SORCS3: variants seen among roughly 807,000 people sequenced by gnomAD.
SORCS3 encodes the protein sortilin related VPS10 domain containing receptor 3, also known as VPS10 domain-containing receptor SorCS3.
SORCS3 carries 57 observed loss-of-function variants against 146.3 expected under a neutral mutation model. That is an observed-to-expected ratio of 0.39 (90% CI 0.31 to 0.49). SORCS3 has a LOEUF of 0.49. SORCS3 is among the 20% of genes least tolerant of loss of function. SORCS3 has a pLI of 0.92. For synonymous variants in SORCS3, 653 were observed against 618.5 expected (o/e 1.06, Z -0.83); for missense variants, 1,341 against 1,575.5 (o/e 0.85, Z 2.52).
At chr10:105,064,313 G>A (rs548877322) in intron 5 of SORCS3, among the ~76,000 whole-genome samples, 9 of 152,256 alleles carry the variant, frequency 5.9e-5, no homozygotes, top group South Asian at 2.1e-4. Flanking sequence ...TTCCTTAATC[G>A]TCTGTGAATT....
At chr10:104,952,207 C>A in intron 3 of SORCS3, among the ~76,000 whole-genome samples, 1 of 123,940 alleles carries the variant, frequency 8.1e-6, no homozygotes, top group East Asian at 2.9e-4. Flanking sequence ...GGACCCAAAT[C>A]TGTGGTTAAG....
chr10:104,827,734 T>A (rs2017954358), intron 1 of SORCS3, among the ~76,000 whole-genome samples: 2 of 152,192 alleles, frequency 1.3e-5, no homozygotes, highest in Admixed American at 6.5e-5. Context: ...GATGGCATCT[T>A]CTTCCAACAG....
At position 105,263,665 on chromosome 10, in the gene SORCS3, G is replaced by A; in HGVS notation, c.*291G>A. 1 of 330,944 alleles carries A rather than the reference G, an allele frequency of 3.0e-6. No homozygotes were observed. The highest frequency in any genetic ancestry group is 5.6e-6 in the Non-Finnish European group (1 of 177,864). The allele number at this position is 330,944 out of a possible 1,614,324, so 20.5% of individuals were successfully genotyped here. A position where few individuals can be genotyped will look rare whatever the true frequency, so the allele number is the denominator to read the frequency against. ...GCTTAAAGACTTTCTTTTTCCTTGT[G>A]GTCTCCCTTTTTTCAAAATTGAAGT... On this transcript the variant is annotated 3_prime_UTR_variant, in exon 27 of 27. Coordinates refer to ENST00000369701, the MANE Select transcript of SORCS3 (RefSeq NM_014978.3).
intron 20 of SORCS3, among the ~76,000 whole-genome samples, chr10:105,242,475 T>TA (rs1359621673): frequency 2.1e-3 from 178 of 86,558 alleles, no homozygotes; most frequent in African/African-American, 6.7e-3. Context: ...TATTTATATA[T>TA]TTATATATTT....
chr10:105,146,261 GC>G (rs1260554559), intron 8 of SORCS3, among the ~76,000 whole-genome samples: 5 of 151,980 alleles, frequency 3.3e-5, no homozygotes, highest in African/African-American at 1.2e-4. Context: ...TTTGTACAGT[GC>G]CTACCTACAC....
intron 19 of SORCS3, among the ~76,000 whole-genome samples, chr10:105,221,414 G>C (rs2056701842): frequency 6.6e-6 from 1 of 152,176 alleles, no homozygotes; most frequent in Non-Finnish European, 1.5e-5. Context: ...AGTAGTGGTA[G>C]AAATCATGAC....
At position 104,994,923 on chromosome 10, in the gene SORCS3, T is replaced by G. The variant is rs537329035; in HGVS notation, c.954+17430T>G. 1.3e-4 allele frequency among the ~76,000 whole-genome samples: 20 copies of G among 152,316 alleles called. No homozygotes were observed. In the East Asian group the frequency reaches 3.5e-3, roughly 26 times the overall value. ...TCATGTATAAGTGTGTTTATGAACA[T>G]TTCTCTTGATTTCTCTTGGGCAAAT... On this transcript the variant is annotated intron_variant, in intron 4 of 26. Coordinates refer to ENST00000369701, the MANE Select transcript of SORCS3 (RefSeq NM_014978.3).
chr10:104,732,820 T>G (rs1211853160), intron 1 of SORCS3, among the ~76,000 whole-genome samples: 2 of 152,082 alleles, frequency 1.3e-5, no homozygotes, highest in African/African-American at 2.4e-5. Flanking sequence ...TGTGTAGGTG[T>G]GCTGGGTATA....
At chr10:104,698,810 A>G (rs1268058927) in intron 1 of SORCS3, among the ~76,000 whole-genome samples, 1 of 152,144 alleles carries the variant, frequency 6.6e-6, no homozygotes, top group Non-Finnish European at 1.5e-5. Flanking sequence ...TCAGTTGTCC[A>G]TCATGAGCTA....
In SORCS3 at chr10:104,935,212, C is replaced by T. The variant is rs1048335694; in HGVS notation, c.795+19280C>T. Among the ~76,000 whole-genome samples, 19 of 152,310 alleles carry T rather than the reference C, an allele frequency of 1.2e-4. No individual in the cohort carries two copies. The East Asian group carries it at 3.5e-3, about 28-fold the overall frequency. On this transcript the variant is annotated intron_variant, in intron 3 of 26. Transcript: ENST00000369701. The stretch of plus-strand genomic sequence containing the variant: ...AGGCTAAGAGGTTAAAAACTTACCT[C>T]ACTAGGAAGCTGATGACCTAGGTTA...
chr10:104,686,244 A>T (rs1039574256), intron 1 of SORCS3, among the ~76,000 whole-genome samples: 3 of 152,080 alleles, frequency 2.0e-5, no homozygotes, highest in African/African-American at 7.2e-5. Context: ...TGAGGCAACC[A>T]GGGGCTCTGT....
At chr10:104,642,607 T>TA (rs1158489616) in intron 1 of SORCS3, among the ~76,000 whole-genome samples, 1 of 151,472 alleles carries the variant, frequency 6.6e-6, no homozygotes, top group Non-Finnish European at 1.5e-5. Flanking sequence ...GCAGAGGCCG[T>TA]AAAAAAAAGT....
intron 1 of SORCS3, among the ~76,000 whole-genome samples, chr10:104,712,518 G>A (rs758804162): frequency 6.6e-5 from 10 of 152,222 alleles, no homozygotes; most frequent in Non-Finnish European, 1.5e-4. Context: ...GCCAATCCAG[G>A]TTGGGGGAGA....
chr10:105,020,704 T>C (rs1011591536), intron 4 of SORCS3, among the ~76,000 whole-genome samples: 1 of 152,224 alleles, frequency 6.6e-6, no homozygotes, highest in Non-Finnish European at 1.5e-5. Flanking sequence ...GATCACAGTA[T>C]TGAGAATTCT....
At chr10:104,895,561 A>T (rs77387675) in intron 2 of SORCS3, among the ~76,000 whole-genome samples, 8,493 of 152,230 alleles carry the variant, frequency 0.056, 717 homozygotes, top group African/African-American at 0.18. Flanking sequence ...CCCTCAGCTC[A>T]CACTCTCCTT....
chr10:105,111,842 G>A (rs1034973268), intron 7 of SORCS3, among the ~76,000 whole-genome samples: 6 of 152,172 alleles, frequency 3.9e-5, no homozygotes, highest in Non-Finnish European at 8.8e-5. Flanking sequence ...AAGGCTATGA[G>A]TACGAATTAA....
intron 16 of SORCS3, among the ~76,000 whole-genome samples, chr10:105,202,086 T>A (rs1318653348): frequency 6.6e-6 from 1 of 152,186 alleles, no homozygotes. Flanking sequence ...GCTGTTTGTA[T>A]CACTCCAGGA....
intron 19 of SORCS3, among the ~76,000 whole-genome samples, chr10:105,220,638 A>G (rs183367976): frequency 1.3e-4 from 20 of 152,276 alleles, no homozygotes; most frequent in African/African-American, 3.6e-4. Flanking sequence ...CCCCTTTTCT[A>G]TCAGGAGAAA....
intron 1 of SORCS3, among the ~76,000 whole-genome samples, chr10:104,735,598 C>A (rs1318260904): frequency 6.6e-6 from 1 of 151,594 alleles, no homozygotes; most frequent in Non-Finnish European, 1.5e-5. Context: ...AAAGACAGAG[C>A]CCTTGGCTCC....
Sources: allele counts gnomAD v4.1 joint callset (sites outside exome capture counted in the v4.1 genomes callset), GRCh38; gene constraint gnomAD v4.1.1; transcripts MANE v1.5; gene names NCBI Gene and HGNC (gene_info 2026-07-23, HGNC 2026-07-21).